KDM6A: variants seen among roughly 807,000 people sequenced by gnomAD.
KDM6A encodes the protein lysine demethylase 6A.
Under a neutral mutation model 117.6 loss-of-function variants are expected in KDM6A, and 11 were observed. That is an observed-to-expected ratio of 0.09 (90% CI 0.06 to 0.15). KDM6A has a LOEUF of 0.15. Among genes scored for constraint, KDM6A ranks in the 10% least tolerant of loss-of-function variants. The probability of loss-of-function intolerance (pLI) is 1.00; values close to 1 mark genes in which losing one functional copy is unlikely to be tolerated. For missense variants in KDM6A, 799 were observed against 1,077.3 expected, an observed-to-expected ratio of 0.74 and a Z score of 3.62; for synonymous variants, 384 against 396.1, an observed-to-expected ratio of 0.97 and a Z score of 0.36.
intron 4 of KDM6A, among the ~76,000 whole-genome samples, chrX:44,990,515 A>G (rs2040512243): frequency 9.2e-6 from 1 of 108,551 alleles, no homozygotes. Flanking sequence ...GCGCCGTTGC[A>G]CTCCAGCTTG....
intron 10 of KDM6A, among the ~76,000 whole-genome samples, chrX:45,058,035 A>AAT (rs1361109141): frequency 9.4e-6 from 1 of 106,037 alleles, no homozygotes; most frequent in Non-Finnish European, 1.9e-5. Context: ...ATCACTAAAT[A>AAT]ATATGCATCT....
At chrX:45,067,943 C>T (rs1355040082) in intron 17 of KDM6A, among the ~76,000 whole-genome samples, 5 of 111,035 alleles carry the variant, frequency 4.5e-5, no homozygotes, top group Non-Finnish European at 9.4e-5. Flanking sequence ...TGAGCCACTG[C>T]GCCTGGCCAA....
intron 2 of KDM6A, among the ~76,000 whole-genome samples, chrX:44,920,445 T>A (rs1051259425): frequency 1.0e-5 from 1 of 99,712 alleles, no homozygotes; most frequent in Non-Finnish European, 1.9e-5. Flanking sequence ...TTTATTTTAT[T>A]TTTTTTTTTT....
At chrX:44,940,392 C>T (rs1187998296) in intron 2 of KDM6A, among the ~76,000 whole-genome samples, 1 of 111,626 alleles carries the variant, frequency 9.0e-6, no homozygotes, top group Non-Finnish European at 1.9e-5. Context: ...CAAAAAGTTA[C>T]ATTCATTGAT....
chrX:45,031,382 T>G (rs12393424), intron 6 of KDM6A, among the ~76,000 whole-genome samples: 24,653 of 111,762 alleles, frequency 0.22, 4,371 homozygotes, highest in African/African-American at 0.61. Flanking sequence ...AATGCCATGT[T>G]TCTACCTTAA....
intron 18 of KDM6A, 49 bp from the exon 19 acceptor site, chrX:45,076,647 TG>T: frequency 2.2e-6 from 2 of 915,636 alleles, no homozygotes; most frequent in Admixed American, 2.7e-5. Context: ...TTTTTTTTTC[TG>T]TTTTCCAAAT....
At chrX:45,105,959 G>A (rs1038792830) in intron 27 of KDM6A, among the ~76,000 whole-genome samples, 3 of 111,935 alleles carry the variant, frequency 2.7e-5, no homozygotes, top group African/African-American at 9.7e-5. Context: ...CTTATGCGAA[G>A]CTAATGCCTG....
intron 4 of KDM6A, among the ~76,000 whole-genome samples, chrX:45,005,291 G>A (rs966588016): frequency 1.3e-4 from 14 of 110,206 alleles, no homozygotes; most frequent in Non-Finnish European, 2.7e-4. Context: ...GGGAAAGATT[G>A]GGGACACTGA....
At chrX:44,934,467 G>A (rs992296334) in intron 2 of KDM6A, among the ~76,000 whole-genome samples, 3 of 111,891 alleles carry the variant, frequency 2.7e-5, no homozygotes, top group Non-Finnish European at 5.6e-5. Context: ...TCCAGTTTTA[G>A]GATTGTATCT....
At chrX:44,956,606 G>A (rs755036260) in intron 2 of KDM6A, among the ~76,000 whole-genome samples, 52 of 110,981 alleles carry the variant, frequency 4.7e-4, no homozygotes, top group African/African-American at 1.7e-3. Context: ...GCCTCGCTAT[G>A]TTGCCTGGGC....
At chrX:45,058,863 A>G (rs1239743273) in intron 10 of KDM6A, 143 bp from the exon 11 acceptor site, 1 of 508,176 alleles carries the variant, frequency 2.0e-6, no homozygotes, top group Admixed American at 3.0e-5. Context: ...ACAAGTATAT[A>G]CATACATACA....
intron 2 of KDM6A, among the ~76,000 whole-genome samples, chrX:44,928,102 C>A (rs970054047): frequency 4.5e-5 from 5 of 112,247 alleles, no homozygotes; most frequent in African/African-American, 1.3e-4. Flanking sequence ...TAAAATGATT[C>A]TGTATTTAAA....
intron 27 of KDM6A, among the ~76,000 whole-genome samples, chrX:45,093,401 C>A (rs1385595037): frequency 4.5e-4 from 45 of 99,696 alleles, no homozygotes; most frequent in South Asian, 2.3e-3. Flanking sequence ...AACAAACAAA[C>A]AAAAAAAAAA....
At chrX:44,997,011 G>A (rs746225167) in intron 4 of KDM6A, among the ~76,000 whole-genome samples, 112 of 111,723 alleles carry the variant, frequency 1.0e-3, no homozygotes, top group African/African-American at 3.6e-3. Context: ...CTCTAGGGGA[G>A]CATACAGACT....
At chrX:44,963,641 A>G (rs2038851553) in intron 3 of KDM6A, among the ~76,000 whole-genome samples, 1 of 110,644 alleles carries the variant, frequency 9.0e-6, no homozygotes, top group African/African-American at 3.3e-5. Context: ...CAGCACATCT[A>G]CAGTTACTTC....
chrX:44,971,298 C>G (rs756014913), intron 3 of KDM6A, among the ~76,000 whole-genome samples: 8 of 111,816 alleles, frequency 7.2e-5, no homozygotes, highest in Admixed American at 9.5e-5. Context: ...TTCTCATAGT[C>G]TAACGTCCTT....
At chrX:45,043,053 G>A (rs1268495332) in intron 8 of KDM6A, among the ~76,000 whole-genome samples, 1 of 112,446 alleles carries the variant, frequency 8.9e-6, no homozygotes, top group African/African-American at 3.2e-5. Context: ...ACTTTGGGAG[G>A]CCAAGGTGGG....
Position 45,059,224 on chromosome X carries a change from T to A in KDM6A, c.975-23T>A, listed in dbSNP as rs750032283. Reference sequence around the variant, plus strand: ...AAGCAGTTCTTCTGAGTTGACTTATTTTTTCTTAATTTCTCTTTCCAGTGT... The same window carrying A: ...AAGCAGTTCTTCTGAGTTGACTTATATTTTCTTAATTTCTCTTTCCAGTGT... On this transcript the variant is annotated intron_variant, in intron 11 of 29. Coordinates refer to ENST00000611820, the MANE Select transcript of KDM6A (RefSeq NM_001291415.2). 8.3e-6 allele frequency: 10 copies of A among 1,200,266 alleles called. No homozygotes were observed. In the African/African-American group the frequency reaches 1.8e-4, roughly 21 times the overall value.
At position 45,051,756 on chromosome X, in the gene KDM6A, A is replaced by G. The variant is rs758627595; in HGVS notation, c.702A>G (p.Thr234=). 8.4e-7 allele frequency: 1 copy of G among 1,192,533 alleles called. No individual in the cohort carries two copies. Among genetic ancestry groups the G allele is most frequent in the Non-Finnish European group, 1.1e-6 (1 of 879,488 alleles). The change falls in exon 9 of 30, where the codon ACA becomes ACG. Residue 234 remains threonine, a synonymous_variant. Transcript: ENST00000611820. Reference sequence around the variant, plus strand: ...AAGCTTATGAACAACTTTTGCAGACAGAGAATCTTTCTGCACAAGTAAAAG... The same window carrying G: ...AAGCTTATGAACAACTTTTGCAGACGGAGAATCTTTCTGCACAAGTAAAAG... ...AKEAYEQLLQ[T]ENLSAQVKAT...
Sources: gnomAD v4.1 joint callset for allele counts (sites outside exome capture counted in the v4.1 genomes callset) on GRCh38, gnomAD v4.1.1 for gene constraint, MANE v1.5 for transcripts, NCBI Gene and HGNC (gene_info 2026-07-23, HGNC 2026-07-21) for gene names.